The following ZC3H3 variants were observed in gnomAD, a reference collection of about 807,000 sequenced individuals.
ZC3H3 encodes zinc finger CCCH domain-containing protein 3.
In ZC3H3, 36 loss-of-function variants were observed where a neutral mutation model predicts 77.3. The observed-to-expected ratio is 0.47, with a 90% CI of 0.36 to 0.61. The LOEUF (loss-of-function observed/expected upper bound fraction) is 0.61. ZC3H3 is among the 20% of genes least tolerant of loss of function. The pLI is 0.00. For missense variants in ZC3H3, 1,331 were observed against 1,312.2 expected (o/e 1.01, Z -0.22); for synonymous variants, 626 against 555.2 (o/e 1.13, Z -1.79).
At chr8:143,451,078 C>T (rs1819976547) in intron 9 of ZC3H3, among the ~76,000 whole-genome samples, 2 of 152,122 alleles carry the variant, frequency 1.3e-5, no homozygotes, top group Non-Finnish European at 2.9e-5. Context: ...ACTGCGGGTG[C>T]CCACAAGGAC....
At chr8:143,464,897 G>A (rs147141058) in intron 9 of ZC3H3, among the ~76,000 whole-genome samples, 4,055 of 152,254 alleles carry the variant, frequency 0.027, 71 homozygotes, top group Non-Finnish European at 0.037. Flanking sequence ...CCCCCAGGGC[G>A]GGGAGAGAAA....
intron 3 of ZC3H3, among the ~76,000 whole-genome samples, chr8:143,515,293 G>GC (rs762703428): frequency 3.3e-5 from 5 of 152,248 alleles, no homozygotes; most frequent in Admixed American, 6.5e-5. Flanking sequence ...TCCCCCCGCT[G>GC]CAACGCCTCG....
At chr8:143,465,414 C>T (rs968904549) in intron 9 of ZC3H3, among the ~76,000 whole-genome samples, 2 of 152,218 alleles carry the variant, frequency 1.3e-5, no homozygotes, top group African/African-American at 4.8e-5. Flanking sequence ...GGAGCTGCTC[C>T]GGCCCAGTCA....
chr8:143,521,718 C>T (rs529776948), intron 3 of ZC3H3, among the ~76,000 whole-genome samples: 10 of 152,348 alleles, frequency 6.6e-5, no homozygotes, highest in East Asian at 3.9e-4. Flanking sequence ...GCCCCTCCCC[C>T]ACCAGTGCAC....
intron 2 of ZC3H3, 73 bp from the exon 3 acceptor site, chr8:143,536,526 C>A: frequency 7.1e-7 from 1 of 1,409,122 alleles, no homozygotes; most frequent in Non-Finnish European, 9.3e-7. Context: ...CTCACCAGGA[C>A]CCGAGGAGCG....
intron 4 of ZC3H3, among the ~76,000 whole-genome samples, chr8:143,495,212 G>A (rs1821314376): frequency 6.6e-6 from 1 of 152,216 alleles, no homozygotes; most frequent in Admixed American, 6.5e-5. Flanking sequence ...AAGAAAGGAA[G>A]GCTCCCTGGC....
At chr8:143,484,919 T>C (rs956039119) in intron 4 of ZC3H3, 3 of 452,968 alleles carry the variant, frequency 6.6e-6, no homozygotes, top group African/African-American at 6.0e-5. Flanking sequence ...TCAGCAAACT[T>C]CATGCGGCCC....
chr8:143,444,972 T>A (rs551550997), intron 9 of ZC3H3, among the ~76,000 whole-genome samples: 1 of 152,334 alleles, frequency 6.6e-6, no homozygotes, highest in East Asian at 1.9e-4. Flanking sequence ...TCAGCAAAGT[T>A]GCTGGAGATA....
intron 3 of ZC3H3, among the ~76,000 whole-genome samples, chr8:143,529,161 C>T (rs950508550): frequency 2.0e-5 from 3 of 152,156 alleles, no homozygotes; most frequent in African/African-American, 4.8e-5. Flanking sequence ...GCCGGGCCTT[C>T]GAGGTGGGGC....
intron 3 of ZC3H3, among the ~76,000 whole-genome samples, chr8:143,525,291 T>A (rs1016943210): frequency 2.6e-5 from 4 of 152,172 alleles, no homozygotes; most frequent in Non-Finnish European, 5.9e-5. Context: ...CAGCACAGCC[T>A]CGGAGAGCCA....
rs1586869370 is a variant in ZC3H3, at chr8:143,442,012, A to G, written c.2308-892T>C. 2.6e-5 allele frequency among the ~76,000 whole-genome samples: 4 copies of G among 152,272 alleles called. No homozygotes were observed. The South Asian group carries it at 8.3e-4, about 32-fold the overall frequency. ...TCTGTCACGGCACTAGAGTGGCCGG[A>G]GTGCTTCCAGCTCGTGGGGTGCCAC... On this transcript the variant is annotated intron_variant, in intron 9 of 11. Coordinates refer to ENST00000262577, the MANE Select transcript of ZC3H3 (RefSeq NM_015117.3).
intron 9 of ZC3H3, among the ~76,000 whole-genome samples, chr8:143,441,646 CA>C (rs1819745412): frequency 6.6e-6 from 1 of 152,188 alleles, no homozygotes; most frequent in South Asian, 2.1e-4. Flanking sequence ...ACCCACAGGG[CA>C]GGGGGTGTGC....
intron 5 of ZC3H3, among the ~76,000 whole-genome samples, chr8:143,470,928 G>C (rs1343116227): frequency 6.6e-6 from 1 of 152,164 alleles, no homozygotes; most frequent in Non-Finnish European, 1.5e-5. Flanking sequence ...TCACTTCCCC[G>C]GGATCTTCTC....
intron 11 of ZC3H3, among the ~76,000 whole-genome samples, chr8:143,439,096 T>G: frequency 6.7e-6 from 1 of 149,986 alleles, no homozygotes. Context: ...GGCTGCTAGG[T>G]TCCTGATCTT....
Position 143,539,072 on chromosome 8 carries a change from G to T in ZC3H3, c.295C>A (p.Arg99=), listed in dbSNP as rs778966440. Residue 99 remains arginine (R), a synonymous_variant, in exon 2 of 12, where the codon CGG becomes AGG. Coordinates refer to ENST00000262577, the MANE Select transcript of ZC3H3 (RefSeq NM_015117.3). ...TGCGGGACAGGAGGCTGGCCCCCCC[G>T]GGCCCCGTGCAACGGCCGCACAGCA... ...DHAVRPLHGA[R]GGQPPVPQQH... 4.3e-6 allele frequency: 7 copies of T among 1,612,856 alleles called. No individual in the cohort carries two copies. In the African/African-American group the frequency reaches 8.0e-5, roughly 18 times the overall value.
At position 143,538,016 on chromosome 8, in the gene ZC3H3, G is replaced by A. The variant is rs747367562; in HGVS notation, c.1351C>T (p.Arg451Cys). Residue 451 changes from arginine (R) to cysteine (C), a missense_variant, in exon 2 of 12, where the codon CGC becomes TGC. Arg to Cys is a radical substitution (Grantham distance 180). Transcript: ENST00000262577. ...CGGGATGCCCACCTTGTGCTGCTGC[G>A]TCTCCGGATGATCTTGGTGCGGCTC... is the stretch of plus-strand genomic sequence containing the variant. ...VKSRTKIIRR[R>C]SSTSLPGDKK... 26 of 1,605,042 alleles carry A rather than the reference G, an allele frequency of 1.6e-5. No individual in the cohort carries two copies. Among genetic ancestry groups the A allele is most frequent in the Middle Eastern group, 1.7e-4 (1 of 6,028 alleles).
chr8:143,457,797 G>T (rs1033423856), intron 9 of ZC3H3, among the ~76,000 whole-genome samples: 1 of 151,962 alleles, frequency 6.6e-6, no homozygotes, highest in Non-Finnish European at 1.5e-5. Context: ...AGCCCAGGAG[G>T]TTGAGGCTGT....
chr8:143,513,878 G>C (rs894917626), intron 3 of ZC3H3, among the ~76,000 whole-genome samples: 1 of 152,202 alleles, frequency 6.6e-6, no homozygotes, highest in Non-Finnish European at 1.5e-5. Flanking sequence ...GGGGTGGACA[G>C]GGTGGCCCAG....
At chr8:143,534,503 G>A (rs1264534676) in intron 3 of ZC3H3, among the ~76,000 whole-genome samples, 1 of 152,132 alleles carries the variant, frequency 6.6e-6, no homozygotes, top group African/African-American at 2.4e-5. Flanking sequence ...CTAGAGGCCT[G>A]AAGAGGGAGC....
Sources: allele counts gnomAD v4.1 joint callset (sites outside exome capture counted in the v4.1 genomes callset), GRCh38; gene constraint gnomAD v4.1.1; transcripts MANE v1.5; gene names NCBI Gene and HGNC (gene_info 2026-07-23, HGNC 2026-07-21).